FNTB: variants seen among roughly 807,000 people sequenced by gnomAD.
FNTB encodes the protein farnesyltransferase, CAAX box, subunit beta.
Under a neutral mutation model 59.4 loss-of-function variants are expected in FNTB, and 27 were observed. The observed-to-expected ratio is 0.45, with a 90% CI of 0.34 to 0.63. FNTB has a LOEUF of 0.63. FNTB is among the 20% of genes least tolerant of loss of function. The probability of loss-of-function intolerance (pLI) is 0.02; values close to 1 mark genes in which losing one functional copy is unlikely to be tolerated. For missense variants in FNTB, 449 were observed against 559.6 expected, an observed-to-expected ratio of 0.80 and a Z score of 1.99; for synonymous variants, 230 against 220.7, an observed-to-expected ratio of 1.04 and a Z score of -0.37.
chr14:65,053,626 T>C (rs2296315), intron 10 of FNTB, among the ~76,000 whole-genome samples: 2 of 144,324 alleles, frequency 1.4e-5, no homozygotes, highest in South Asian at 4.3e-4. Flanking sequence ...TTCTTTTTTT[T>C]AAAAAAAACA....
chr14:65,032,782 A>G lies in FNTB; in HGVS notation c.692+86A>G. The stretch of plus-strand genomic sequence containing the variant: ...AGAAAAATAAAGAAAATGCAGAGGG[A>G]CTTGGAAGGAAATACAAAAATCACA... On this transcript the variant is annotated intron_variant, in intron 7 of 11. Coordinates refer to ENST00000246166, the MANE Select transcript of FNTB (RefSeq NM_002028.4). This position sits in a 1 kb window ranked among gnomAD's most constrained non-coding sequence, Gnocchi z 5.0. The G allele has an allele frequency of 7.6e-7, 1 of 1,319,406 alleles. No individual in the cohort carries two copies. The highest frequency in any genetic ancestry group is 1.0e-6 in the Non-Finnish European group (1 of 972,314). The allele number at this position is 1,319,406 out of a possible 1,614,324, so 81.7% of individuals were successfully genotyped here.
intron 7 of FNTB, 101 bp from the exon 8 acceptor site, chr14:65,040,689 C>CT (rs1210858161): frequency 1.5e-6 from 2 of 1,373,562 alleles, no homozygotes; most frequent in East Asian, 5.5e-5. Context: ...TGGTTCACAC[C>CT]TTAATCTGAG....
In FNTB at chr14:65,027,902, G is replaced by T; in HGVS notation, c.605+121G>T. ...CTGCTTTGTCCCAGAATGACACATGGGATGACATGTCAGTGACACGTCAGA... is the reference window on the plus strand; with the variant it reads ...CTGCTTTGTCCCAGAATGACACATGTGATGACATGTCAGTGACACGTCAGA... On this transcript the variant is annotated intron_variant, in intron 6 of 11. Coordinates refer to ENST00000246166, the MANE Select transcript of FNTB (RefSeq NM_002028.4). The surrounding 1 kb of genome is among the most constrained non-coding windows in gnomAD (Gnocchi z 5.7). 1 of 1,277,292 alleles carries T rather than the reference G, an allele frequency of 7.8e-7. No individual in the cohort carries two copies. The highest frequency in any genetic ancestry group is 1.1e-6 in the Non-Finnish European group (1 of 907,312). The allele number at this position is 1,277,292 out of a possible 1,614,324, so 79.1% of individuals were successfully genotyped here.
chr14:64,987,914 C>T (rs2140029966), intron 1 of FNTB, among the ~76,000 whole-genome samples: 1 of 152,256 alleles, frequency 6.6e-6, no homozygotes, highest in South Asian at 2.1e-4. Context: ...AACTGTTTAT[C>T]CATCTGTCCC....
chr14:64,988,019 T>C (rs947987699), intron 1 of FNTB, among the ~76,000 whole-genome samples: 8 of 152,206 alleles, frequency 5.3e-5, no homozygotes, highest in Non-Finnish European at 8.8e-5. Flanking sequence ...TCTCCAGGCT[T>C]TACCTTGGAG....
Position 65,027,526 on chromosome 14 carries a change from C to G in FNTB, c.448C>G (p.Leu150Val), listed in dbSNP as rs370054960. ...AGGAGGACCCGGTCAGTATCCACACCTTGCACCCACATATGCAGCAGTCAA... is the reference window on the plus strand; with the variant it reads ...AGGAGGACCCGGTCAGTATCCACACGTTGCACCCACATATGCAGCAGTCAA... ...FGGGPGQYPH[L>V]APTYAAVNAL... Residue 150 changes from leucine (L) to valine (V), a missense_variant, in exon 5 of 12, where the codon CTT becomes GTT. By Grantham distance (32) the Leu-to-Val change is conservative. This residue lies in a region of FNTB where 337 missense variants were observed against 479.1 expected (regional missense o/e 0.70). Transcript: ENST00000246166. This position sits in a 1 kb window ranked among gnomAD's most constrained non-coding sequence, Gnocchi z 5.7. 2.5e-6 allele frequency: 4 copies of G among 1,614,096 alleles called. No individual in the cohort carries two copies. In the African/African-American group the frequency reaches 5.3e-5, roughly 22 times the overall value.
chr14:65,026,861 CA>C (rs577920846), intron 4 of FNTB, among the ~76,000 whole-genome samples: 18 of 135,570 alleles, frequency 1.3e-4, no homozygotes, highest in African/African-American at 1.4e-4. Flanking sequence ...AACCCCGCCT[CA>C]AAAAAAAAAA....
intron 4 of FNTB, among the ~76,000 whole-genome samples, chr14:65,021,019 C>G (rs60830527): frequency 2.0e-5 from 3 of 152,192 alleles, no homozygotes; most frequent in African/African-American, 7.2e-5. Context: ...TGTGAGCCAC[C>G]GCACCCGGCC....
In FNTB at chr14:65,004,149, C is replaced by T. The variant is rs537891615; in HGVS notation, c.145-100C>T. ...CTGTGAAGTTCCAGACCATACCAAC[C>T]AACCCTCGCCAATAGGCATTTGTGG... On this transcript the variant is annotated intron_variant, in intron 1 of 11. Transcript: ENST00000246166. The T allele has an allele frequency of 7.2e-5, 99 of 1,368,494 alleles. 2 individuals carry two copies. The South Asian group carries it at 1.2e-3, about 16-fold the overall frequency. 84.8% of individuals were successfully genotyped at this position (1,368,494 alleles called of 1,614,324 possible).
rs2062697464 is a variant in FNTB at position 65,054,914 on chromosome 14, G to T, written c.1182+225G>T. Among the ~76,000 whole-genome samples the T allele has an allele frequency of 6.6e-6, 1 of 152,236 alleles. No homozygotes were observed. Among genetic ancestry groups the T allele is most frequent in the African/African-American group, 2.4e-5 (1 of 41,462 alleles). On this transcript the variant is annotated intron_variant, in intron 11 of 11. Coordinates refer to ENST00000246166, the MANE Select transcript of FNTB (RefSeq NM_002028.4). The surrounding 1 kb of genome is among the most constrained non-coding windows in gnomAD (Gnocchi z 4.4). Reference sequence around the variant, plus strand: ...GATGGGCGGTCTGATCTGTCAAAGAGCTGTTGTGCCTTTATCCCAGGGCTG... The same window carrying T: ...GATGGGCGGTCTGATCTGTCAAAGATCTGTTGTGCCTTTATCCCAGGGCTG...
intron 4 of FNTB, chr14:65,022,177 C>A: frequency 2.4e-6 from 1 of 420,296 alleles, no homozygotes; most frequent in South Asian, 1.7e-5. Context: ...AGTACGAGAA[C>A]AAGCTTGATG....
chr14:65,061,645 C>G lies in FNTB; in HGVS notation c.*333C>G, dbSNP rs143383452. Reference sequence around the variant, plus strand: ...AGAGATGAATGGCATCTGAGTATTACGGCATCCAGAGCCACTGCTGACTCC... The same window carrying G: ...AGAGATGAATGGCATCTGAGTATTAGGGCATCCAGAGCCACTGCTGACTCC... On this transcript the variant is annotated 3_prime_UTR_variant, in exon 12 of 12. Transcript: ENST00000246166. 2 of 234,274 alleles carry G rather than the reference C, an allele frequency of 8.5e-6. No individual in the cohort carries two copies. Among genetic ancestry groups the G allele is most frequent in the Non-Finnish European group, 8.7e-6 (1 of 114,510 alleles). The allele number at this position is 234,274 out of a possible 1,614,324, so 14.5% of individuals were successfully genotyped here. A position where few individuals can be genotyped will look rare whatever the true frequency, so the allele number is the denominator to read the frequency against.
At position 65,002,062 on chromosome 14, in the gene FNTB, G is replaced by A. The variant is rs145779985; in HGVS notation, c.145-2187G>A. Among the ~76,000 whole-genome samples, 162 of 152,236 alleles carry A rather than the reference G, an allele frequency of 1.1e-3. 1 individual carries two copies. In the East Asian group the frequency reaches 0.027, roughly 26 times the overall value. On this transcript the variant is annotated intron_variant, in intron 1 of 11. Transcript: ENST00000246166. ...ATAATTCTTTCATGCTTCTCAAAGG[G>A]ACTAGGAGCTCTACCTCAATGGGTA...
rs2062001606 is a variant in FNTB at position 65,027,338 on chromosome 14, C to T, written c.375-115C>T. 6.6e-7 allele frequency: 1 copy of T among 1,512,382 alleles called. No individual in the cohort carries two copies. The highest frequency in any genetic ancestry group is 8.9e-7 in the Non-Finnish European group (1 of 1,121,190). 93.7% of individuals were successfully genotyped at this position (1,512,382 alleles called of 1,614,324 possible). On this transcript the variant is annotated intron_variant, in intron 4 of 11. Transcript: ENST00000246166. The surrounding 1 kb of genome is among the most constrained non-coding windows in gnomAD (Gnocchi z 5.7). ...TTCAACAAGTGGGAGGAGAGGTTCC[C>T]CTCAACTTTTGAGGGAGTGGGGGAT...
intron 7 of FNTB, among the ~76,000 whole-genome samples, chr14:65,037,738 TTTA>T (rs564552915): frequency 0.32 from 36,637 of 114,822 alleles, 5,690 homozygotes; most frequent in Middle Eastern, 0.45. Context: ...TATTTATTTA[TTTA>T]TTATTTATTT....
At chr14:65,053,522 T>C (rs1226259797) in intron 10 of FNTB, among the ~76,000 whole-genome samples, 173 bp downstream of exon 10, 2 of 151,932 alleles carry the variant, frequency 1.3e-5, no homozygotes, top group East Asian at 1.9e-4. Context: ...CTTGAGGCCA[T>C]TGATCTTGGC....
chr14:65,004,115 C>A, intron 1 of FNTB, 134 bp from the exon 2 acceptor site: 1 of 850,332 alleles, frequency 1.2e-6, no homozygotes, highest in Non-Finnish European at 1.8e-6. Flanking sequence ...CAGAACCCAT[C>A]TTACAGTACT....
In FNTB at chr14:65,012,038, G is replaced by C; in HGVS notation, c.210-279G>C. ...TGCCTGGCTGCGTGTGCTCATTGCG[G>C]CTTTTCCGTTAGCCCAAAGTCACTG... On this transcript the variant is annotated intron_variant, in intron 2 of 11. Coordinates refer to ENST00000246166, the MANE Select transcript of FNTB (RefSeq NM_002028.4). The surrounding 1 kb of genome is among the most constrained non-coding windows in gnomAD (Gnocchi z 5.0). 1 of 357,670 alleles carries C rather than the reference G, an allele frequency of 2.8e-6. No individual in the cohort carries two copies. The highest frequency in any genetic ancestry group is 3.8e-5 in the Admixed American group (1 of 26,504). 22.2% of individuals were successfully genotyped at this position (357,670 alleles called of 1,614,324 possible). A position where few individuals can be genotyped will look rare whatever the true frequency, so the allele number is the denominator to read the frequency against.
intron 1 of FNTB, among the ~76,000 whole-genome samples, chr14:64,988,436 G>C (rs570522622): frequency 6.7e-6 from 1 of 149,824 alleles, no homozygotes; most frequent in Non-Finnish European, 1.5e-5. Context: ...TTAGACTATG[G>C]GATTGCCTTT....
Sources: allele counts gnomAD v4.1 joint callset (sites outside exome capture counted in the v4.1 genomes callset), GRCh38; gene constraint gnomAD v4.1.1; regional missense constraint gnomAD v4.1.1; non-coding constraint Gnocchi (gnomAD v3.1); transcripts MANE v1.5; gene names NCBI Gene and HGNC (gene_info 2026-07-23, HGNC 2026-07-21).